The following PARP11 variants were observed in gnomAD, a reference collection of about 807,000 sequenced individuals.
PARP11 encodes the protein poly(ADP-ribose) polymerase family member 11.
A neutral mutation model predicts 42.9 loss-of-function variants in PARP11; 31 were observed. That is an observed-to-expected ratio of 0.72 (90% CI 0.54 to 0.98). PARP11 has a LOEUF of 0.98. PARP11 is among the 50% of genes least tolerant of loss of function. PARP11 has a pLI of 0.00. For missense variants in PARP11, 365 were observed against 413.1 expected (o/e 0.88, Z 1.01); for synonymous variants, 137 against 127.3 (o/e 1.08, Z -0.51).
rs1483042316 is a variant in PARP11, at chr12:3,840,478, A to G, written c.19-10460T>C. The G allele has an allele frequency of 1.9e-6, 3 of 1,612,754 alleles. No individual in the cohort carries two copies. The highest frequency in any genetic ancestry group is 1.3e-5 in the African/African-American group (1 of 74,906). ...AGGAGTAAGACAACGTGAGTTCTCT[A>G]GTCATTCTTCAGGGTCACAGTCTCA... is the stretch of plus-strand genomic sequence containing the variant. On this transcript the variant is annotated intron_variant, in intron 1 of 7. Coordinates refer to ENST00000228820, the MANE Select transcript of PARP11 (RefSeq NM_020367.6). This position sits in a 1 kb window ranked among gnomAD's most constrained non-coding sequence, Gnocchi z 4.4.
intron 1 of PARP11, among the ~76,000 whole-genome samples, chr12:3,832,626 A>C (rs3759357): frequency 0.06 from 9,070 of 152,322 alleles, 344 homozygotes; most frequent in East Asian, 0.18. Context: ...AGAAATGACT[A>C]TTTTGCATAA....
In PARP11 at chr12:3,841,920, G is replaced by A. The variant is rs889236232; in HGVS notation, c.19-11902C>T. The A allele has an allele frequency of 1.8e-5, 29 of 1,607,500 alleles. No individual in the cohort carries two copies. The African/African-American group carries it at 2.1e-4, about 12-fold the overall frequency. ...CAGTAGATGAGTTTCCAGCAGCCAG[G>A]AGTGAACATGTACATTCTCTCCCTG... is the stretch of plus-strand genomic sequence containing the variant. On this transcript the variant is annotated intron_variant, in intron 1 of 7. Transcript: ENST00000228820.
At chr12:3,823,586 A>G (rs1947450865) in intron 4 of PARP11, among the ~76,000 whole-genome samples, 2 of 152,298 alleles carry the variant, frequency 1.3e-5, no homozygotes, top group South Asian at 4.1e-4. Flanking sequence ...ATACACCATA[A>G]TAATATTTAG....
At position 3,810,007 on chromosome 12, in the gene PARP11, T is replaced by C. The variant is rs1189130090; in HGVS notation, c.*2116A>G. The C allele has an allele frequency of 1.3e-5, 2 of 152,232 alleles. No homozygotes were observed. The highest frequency in any genetic ancestry group is 2.9e-5 in the Non-Finnish European group (2 of 68,034). The allele number at this position is 152,232 out of a possible 1,614,324, so 9.4% of individuals were successfully genotyped here. On this transcript the variant is annotated 3_prime_UTR_variant, in exon 8 of 8. Coordinates refer to ENST00000228820, the MANE Select transcript of PARP11 (RefSeq NM_020367.6). ...ACCTCCCACTGCACAATTACACATA[T>C]GCTGGTCTATAACGGAAATCTGGGA...
chr12:3,822,394 C>T (rs1427612502), intron 4 of PARP11, among the ~76,000 whole-genome samples: 3 of 149,868 alleles, frequency 2.0e-5, no homozygotes, highest in African/African-American at 5.0e-5. Context: ...GTCAGGAGAT[C>T]GAGACCATCC....
chr12:3,830,137 C>A lies in PARP11; in HGVS notation c.19-119G>T, dbSNP rs1353849095. ...TTCAAGTGTCTTTCCTCCCATGACA[C>A]TTTAAAAACAGCTTTCTATCTTTCA... On this transcript the variant is annotated intron_variant, in intron 1 of 7. Transcript: ENST00000228820. 6 of 794,362 alleles carry A rather than the reference C, an allele frequency of 7.6e-6. No individual in the cohort carries two copies. In the East Asian group the frequency reaches 1.6e-4, roughly 21 times the overall value. The allele number at this position is 794,362 out of a possible 1,614,324, so 49.2% of individuals were successfully genotyped here.
At chr12:3,872,753 G>T (rs889597119) in intron 1 of PARP11, 19 of 985,332 alleles carry the variant, frequency 1.9e-5, no homozygotes, top group Non-Finnish European at 2.3e-5. Context: ...CTGACTACAG[G>T]TTCCAAGGCC....
chr12:3,814,603 A>AACT (rs1947248878), intron 6 of PARP11, among the ~76,000 whole-genome samples: 1 of 152,200 alleles, frequency 6.6e-6, no homozygotes, highest in Non-Finnish European at 1.5e-5. Context: ...TATCCTCAGA[A>AACT]ACTAGAAAAT....
rs1301768823 is a variant in PARP11 at position 3,865,271 on chromosome 12, T to C, written c.18+7941A>G. On this transcript the variant is annotated intron_variant, in intron 1 of 7. Transcript: ENST00000228820. ...GAGATATGTTTTATGGGCCAGAATA[T>C]GGCATATATTTTTACACGTTCTCTA... Among the ~76,000 whole-genome samples, 4 of 152,290 alleles carry C rather than the reference T, an allele frequency of 2.6e-5. No homozygotes were observed. The East Asian group carries it at 5.8e-4, about 22-fold the overall frequency.
chr12:3,827,976 C>T (rs1465895582), intron 3 of PARP11, among the ~76,000 whole-genome samples: 1 of 152,178 alleles, frequency 6.6e-6, no homozygotes, highest in African/African-American at 2.4e-5. Context: ...AACTAACAGC[C>T]TGAAACTTGA....
rs1453798988 is a variant in PARP11 at position 3,862,957 on chromosome 12, C to T, written c.18+10255G>A. ...GGATTGCATTGAATTATCAATCTGT[C>T]TGGAGAAAATTGGCATCTTAACAAT... On this transcript the variant is annotated intron_variant, in intron 1 of 7. Coordinates refer to ENST00000228820, the MANE Select transcript of PARP11 (RefSeq NM_020367.6). Among the ~76,000 whole-genome samples the T allele has an allele frequency of 2.0e-5, 3 of 152,160 alleles. No individual in the cohort carries two copies. The South Asian group carries it at 6.2e-4, about 32-fold the overall frequency.
chr12:3,847,145 C>T (rs1452958260), intron 1 of PARP11, among the ~76,000 whole-genome samples: 1 of 152,034 alleles, frequency 6.6e-6, no homozygotes, highest in Non-Finnish European at 1.5e-5. Context: ...TAAACCTAAG[C>T]AAACCAACAA....
intron 6 of PARP11, 51 bp from the exon 7 acceptor site, chr12:3,814,239 G>A (rs764785877): frequency 1.4e-6 from 2 of 1,410,522 alleles, no homozygotes; most frequent in South Asian, 1.7e-5. Flanking sequence ...TATACCATAA[G>A]TAGCATTTAT....
intron 1 of PARP11, among the ~76,000 whole-genome samples, chr12:3,843,097 C>A (rs902748018): frequency 4.5e-4 from 69 of 152,294 alleles, no homozygotes; most frequent in African/African-American, 1.6e-3. Flanking sequence ...ATAATGTCTT[C>A]TCTTTAATAT....
chr12:3,844,638 C>T (rs1023820193), intron 1 of PARP11, among the ~76,000 whole-genome samples: 2 of 152,168 alleles, frequency 1.3e-5, no homozygotes, highest in Non-Finnish European at 2.9e-5. Flanking sequence ...TGTCTTACCT[C>T]AATTGAGTAA....
chr12:3,842,916 T>C (rs1947922876), intron 1 of PARP11, among the ~76,000 whole-genome samples: 1 of 152,248 alleles, frequency 6.6e-6, no homozygotes. Flanking sequence ...AATACACCAT[T>C]TGACACACTA....
chr12:3,854,206 T>G (rs1948150918), intron 1 of PARP11, among the ~76,000 whole-genome samples: 1 of 152,082 alleles, frequency 6.6e-6, no homozygotes, highest in Non-Finnish European at 1.5e-5. Context: ...ATCGACACCC[T>G]AACATCACAA....
chr12:3,811,364 T>C lies in PARP11; in HGVS notation c.*759A>G, dbSNP rs562970612. Reference sequence around the variant, plus strand: ...TCACTTTGAAGATGCAATAAACACCTTGCACAGCAAGTCGTGGTGTAAGAA... The same window carrying C: ...TCACTTTGAAGATGCAATAAACACCCTGCACAGCAAGTCGTGGTGTAAGAA... On this transcript the variant is annotated 3_prime_UTR_variant, in exon 8 of 8. Transcript: ENST00000228820. 6.6e-6 allele frequency: 1 copy of C among 152,228 alleles called. No individual in the cohort carries two copies. Among genetic ancestry groups the C allele is most frequent in the Non-Finnish European group, 1.5e-5 (1 of 68,036 alleles). 9.4% of individuals were successfully genotyped at this position (152,228 alleles called of 1,614,324 possible). A position where few individuals can be genotyped will look rare whatever the true frequency, so the allele number is the denominator to read the frequency against.
chr12:3,824,112 C>A (rs1037946724), intron 4 of PARP11, among the ~76,000 whole-genome samples: 2 of 152,146 alleles, frequency 1.3e-5, no homozygotes, highest in Admixed American at 6.5e-5. Context: ...ATATAGAAAT[C>A]ATCTGTTTTC....
Sources: gnomAD v4.1 joint callset for allele counts (sites outside exome capture counted in the v4.1 genomes callset) on GRCh38, gnomAD v4.1.1 for gene constraint, Gnocchi (gnomAD v3.1) non-coding constraint, MANE v1.5 for transcripts, NCBI Gene and HGNC (gene_info 2026-07-23, HGNC 2026-07-21) for gene names.